Variants in SUSD1 observed in about 807,000 individuals in gnomAD.
The protein encoded by SUSD1 is sushi domain containing 1, also known as sushi domain-containing protein 1.
A neutral mutation model predicts 86.9 loss-of-function variants in SUSD1; 65 were observed. That is an observed-to-expected ratio of 0.75 (90% CI 0.61 to 0.92). The LOEUF is 0.92. SUSD1 is among the 40% of genes least tolerant of loss of function. The pLI, the probability that SUSD1 is intolerant of heterozygous loss-of-function variation, is 0.00. For synonymous variants in SUSD1, 346 were observed against 350.0 expected, an observed-to-expected ratio of 0.99 and a Z score of 0.13; for missense variants, 850 against 929.7, an observed-to-expected ratio of 0.91 and a Z score of 1.11.
chr9:112,128,104 GTTTGT>G (rs1295032917), intron 5 of SUSD1, among the ~76,000 whole-genome samples: 1 of 151,718 alleles, frequency 6.6e-6, no homozygotes, highest in African/African-American at 2.4e-5. Flanking sequence ...TTTTGTTTTT[GTTTGT>G]TTTGAGACAG....
intron 6 of SUSD1, among the ~76,000 whole-genome samples, chr9:112,122,380 G>C (rs1831590569): frequency 6.6e-6 from 1 of 152,118 alleles, no homozygotes; most frequent in Non-Finnish European, 1.5e-5. Flanking sequence ...GGCTGGTCTT[G>C]AACTCCTGGG....
intron 7 of SUSD1, chr9:112,112,178 T>C (rs1259496670): frequency 1.9e-5 from 4 of 214,516 alleles, no homozygotes; most frequent in African/African-American, 4.6e-5. Flanking sequence ...ATACAAGTGC[T>C]TGGAAACAAG....
intron 10 of SUSD1, 75 bp downstream of exon 10, chr9:112,098,393 CTT>C: frequency 6.8e-7 from 1 of 1,467,512 alleles, no homozygotes; most frequent in Non-Finnish European, 9.3e-7. Flanking sequence ...AACTAGCACT[CTT>C]ATGCCCGCCC....
intron 6 of SUSD1, among the ~76,000 whole-genome samples, chr9:112,116,890 A>C (rs1486879012): frequency 6.6e-6 from 1 of 152,252 alleles, no homozygotes; most frequent in Non-Finnish European, 1.5e-5. Flanking sequence ...CTGTAATCTC[A>C]GCACTTTGAG....
At chr9:112,056,658 G>T (rs1828463673) in intron 14 of SUSD1, among the ~76,000 whole-genome samples, 1 of 152,176 alleles carries the variant, frequency 6.6e-6, no homozygotes, top group Admixed American at 6.5e-5. Context: ...TCAGCTACAT[G>T]AAAGAGAGTA....
In SUSD1 at chr9:112,175,060, C is replaced by CCAGGG. The variant is rs1238208859; in HGVS notation, c.103+72_103+73insCCCTG. 1.5e-4 allele frequency: 147 copies of CCAGGG among 982,314 alleles called. No homozygotes were observed. The Middle Eastern group carries it at 3.6e-3, about 24-fold the overall frequency. The allele number at this position is 982,314 out of a possible 1,614,324, so 60.8% of individuals were successfully genotyped here. On this transcript the variant is annotated intron_variant, in intron 1 of 16. Transcript: ENST00000374270. The surrounding 1 kb of genome is among the most constrained non-coding windows in gnomAD (Gnocchi z 4.7). ...CCCGGCCCAGGGGCGGGGAAGCGTC[C>CCAGGG]GTGCGCCCAGAGTCCTCGAGGCCCA...
At chr9:112,152,654 T>C (rs1170493177) in intron 2 of SUSD1, among the ~76,000 whole-genome samples, 2 of 151,088 alleles carry the variant, frequency 1.3e-5, no homozygotes, top group Non-Finnish European at 3.0e-5. Flanking sequence ...AAGGATTCCT[T>C]GTGCCTCCAC....
intron 12 of SUSD1, among the ~76,000 whole-genome samples, chr9:112,064,948 CCTTT>C (rs1328420185): frequency 6.6e-6 from 1 of 151,980 alleles, no homozygotes; most frequent in Non-Finnish European, 1.5e-5. Flanking sequence ...TACTTTGATC[CCTTT>C]CTAACGCTTA....
At chr9:112,131,328 G>A (rs1248225546) in intron 5 of SUSD1, among the ~76,000 whole-genome samples, 1 of 152,188 alleles carries the variant, frequency 6.6e-6, no homozygotes, top group Non-Finnish European at 1.5e-5. Flanking sequence ...GTCTGGAAGG[G>A]TTCGATGACA....
At chr9:112,112,081 A>T in intron 7 of SUSD1, 1 of 381,218 alleles carries the variant, frequency 2.6e-6, no homozygotes, top group Non-Finnish European at 4.7e-6. Flanking sequence ...CAAATGATCA[A>T]ATGGAGACAA....
intron 12 of SUSD1, among the ~76,000 whole-genome samples, chr9:112,068,779 A>C (rs1230871340): frequency 6.6e-6 from 1 of 152,180 alleles, no homozygotes; most frequent in Non-Finnish European, 1.5e-5. Flanking sequence ...GGATGAATAG[A>C]AAAAGGGCAA....
chr9:112,138,133 G>A (rs1589709168), intron 5 of SUSD1, among the ~76,000 whole-genome samples: 3 of 143,824 alleles, frequency 2.1e-5, no homozygotes, highest in Admixed American at 1.4e-4. Flanking sequence ...CTGATGCAGG[G>A]AGAATGGCTT....
intron 10 of SUSD1, among the ~76,000 whole-genome samples, chr9:112,090,039 C>T (rs1488630838): frequency 6.6e-6 from 1 of 151,782 alleles, no homozygotes; most frequent in African/African-American, 2.4e-5. Flanking sequence ...TTTGTTAATC[C>T]CTGATATTGT....
At chr9:112,055,362 G>C (rs561481223) in intron 14 of SUSD1, among the ~76,000 whole-genome samples, 3 of 152,306 alleles carry the variant, frequency 2.0e-5, no homozygotes, top group African/African-American at 7.2e-5. Context: ...GGGAGGTCAA[G>C]GCTGCAGTGA....
intron 8 of SUSD1, 60 bp from the exon 9 acceptor site, chr9:112,102,345 G>T: frequency 1.2e-6 from 1 of 835,784 alleles, no homozygotes; most frequent in Non-Finnish European, 1.8e-6. Flanking sequence ...ATGCATCATG[G>T]CTGAGTACAA....
intron 9 of SUSD1, among the ~76,000 whole-genome samples, chr9:112,100,157 C>T (rs1564293726): frequency 6.6e-6 from 1 of 152,158 alleles, no homozygotes; most frequent in South Asian, 2.1e-4. Context: ...AAGTGTTTCA[C>T]ATGTCACACA....
intron 8 of SUSD1, among the ~76,000 whole-genome samples, chr9:112,110,999 T>G (rs1379736128): frequency 5.3e-5 from 8 of 150,870 alleles, no homozygotes; most frequent in Admixed American, 2.0e-4. Context: ...TTTTTTTGGG[T>G]TTTTTTTGAG....
intron 1 of SUSD1, among the ~76,000 whole-genome samples, chr9:112,165,110 C>T (rs370946665): frequency 6.4e-4 from 97 of 152,292 alleles, no homozygotes; most frequent in African/African-American, 2.3e-3. Flanking sequence ...TAAAGAGCCC[C>T]CCGAAAGTCC....
At chr9:112,170,810 A>T (rs1161898498) in intron 1 of SUSD1, among the ~76,000 whole-genome samples, 2 of 151,086 alleles carry the variant, frequency 1.3e-5, no homozygotes, top group African/African-American at 4.9e-5. Flanking sequence ...CCCAGGTTCA[A>T]GCGGCTCTCC....
Sources: gnomAD v4.1 joint callset for allele counts (sites outside exome capture counted in the v4.1 genomes callset) on GRCh38, gnomAD v4.1.1 for gene constraint, Gnocchi (gnomAD v3.1) non-coding constraint, MANE v1.5 for transcripts, NCBI Gene and HGNC (gene_info 2026-07-23, HGNC 2026-07-21) for gene names.